SPICE1: variants seen among roughly 807,000 people sequenced by gnomAD.
The protein encoded by SPICE1 is spindle and centriole associated protein 1, also known as spindle and centriole-associated protein 1.
A neutral mutation model predicts 102.7 loss-of-function variants in SPICE1; 75 were observed. The observed-to-expected ratio is 0.73, with a 90% confidence interval of 0.61 to 0.88. The LOEUF is 0.88. Among genes scored for constraint, SPICE1 ranks in the 40% least tolerant of loss-of-function variants. SPICE1 has a pLI of 0.00. For missense variants in SPICE1, 979 were observed against 1,020.1 expected, an observed-to-expected ratio of 0.96 and a Z score of 0.55; for synonymous variants, 308 against 350.3, an observed-to-expected ratio of 0.88 and a Z score of 1.35.
At chr3:113,498,636 C>T (rs967836823) in intron 4 of SPICE1, among the ~76,000 whole-genome samples, 3 of 152,190 alleles carry the variant, frequency 2.0e-5, no homozygotes, top group Admixed American at 2.0e-4. Flanking sequence ...ATGTCTAAGA[C>T]TGAGACTTTA....
intron 6 of SPICE1, among the ~76,000 whole-genome samples, chr3:113,491,215 GATGA>G (rs1382919602): frequency 6.6e-6 from 1 of 152,158 alleles, no homozygotes; most frequent in Non-Finnish European, 1.5e-5. Context: ...AATATTACAT[GATGA>G]ATAAGTGAGT....
intron 7 of SPICE1, among the ~76,000 whole-genome samples, chr3:113,471,171 T>A (rs983982020): frequency 7.9e-5 from 12 of 152,160 alleles, no homozygotes; most frequent in African/African-American, 2.9e-4. Context: ...TTCCATGTCC[T>A]AAACCCTGGA....
chr3:113,488,049 A>G (rs1936683753), intron 7 of SPICE1, among the ~76,000 whole-genome samples: 1 of 152,252 alleles, frequency 6.6e-6, no homozygotes, highest in Non-Finnish European at 1.5e-5. Context: ...AAAAGACATG[A>G]AAACTAAATA....
chr3:113,453,930 T>A lies in SPICE1; in HGVS notation c.1678A>T (p.Thr560Ser), dbSNP rs1271943450. 1 of 1,613,148 alleles carries A rather than the reference T, an allele frequency of 6.2e-7. No individual in the cohort carries two copies. Among genetic ancestry groups the A allele is most frequent in the Non-Finnish European group, 8.5e-7 (1 of 1,179,534 alleles). The change falls in exon 14 of 18, where the codon ACT becomes TCT. Residue 560 changes from threonine (T) to serine (S), a missense_variant. By Grantham distance (58) the Thr-to-Ser change is moderately conservative (BLOSUM62 1). Coordinates refer to ENST00000295872, the MANE Select transcript of SPICE1 (RefSeq NM_144718.4). ...GGAGGAAGTCGTGGAGCAGGACGAGTTTGAACAGTCCTTCTCAATACTATA... is the reference window on the plus strand; with the variant it reads ...GGAGGAAGTCGTGGAGCAGGACGAGATTGAACAGTCCTTCTCAATACTATA... ...LQDVLRRTVQ[T>S]RPAPRLPPTV...
chr3:113,468,278 T>C lies in SPICE1; in HGVS notation c.1016A>G (p.His339Arg), dbSNP rs1308384335. 4.3e-6 allele frequency: 7 copies of C among 1,614,190 alleles called. No individual in the cohort carries two copies. The highest frequency in any genetic ancestry group is 1.6e-4 in the Middle Eastern group (1 of 6,062). The part of the protein sequence containing the change: ...SNLDVLKHMI[H>R]EVEHEMEEYE... ...TTCTTCCATTTCATGTTCCACTTCATGTATCATGTGTTTGAGGACATCCAG... is the reference window on the plus strand; with the variant it reads ...TTCTTCCATTTCATGTTCCACTTCACGTATCATGTGTTTGAGGACATCCAG... The change falls in exon 10 of 18, where the codon CAT becomes CGT. Residue 339 changes from histidine (H) to arginine (R), a missense_variant. Coordinates refer to ENST00000295872, the MANE Select transcript of SPICE1 (RefSeq NM_144718.4).
intron 12 of SPICE1, 95 bp from the exon 13 acceptor site, chr3:113,457,452 CA>C: frequency 3.3e-6 from 4 of 1,215,016 alleles, no homozygotes; most frequent in Non-Finnish European, 4.6e-6. Flanking sequence ...CAGTAGAGTG[CA>C]AAATCCACAT....
In SPICE1 at chr3:113,503,184, T is replaced by A; in HGVS notation, c.143A>T (p.Asp48Val). The A allele has an allele frequency of 1.2e-6, 2 of 1,606,780 alleles. No individual in the cohort carries two copies. The highest frequency in any genetic ancestry group is 2.2e-5 in the South Asian group (2 of 89,266). ...DLTVHRATPEDLVRRHEIHKS... is the reference protein window; with the variant it reads ...DLTVHRATPEVLVRRHEIHKS... ...AAGTTTTGATATTAAACTCACCAGA[T>A]CTTCGGGAGTTGCCCGATGAACGGT... Residue 48 changes from aspartate (D) to valine (V), a missense_variant, in exon 3 of 18, where the codon GAT (aspartate) becomes GTT (valine). Physicochemically the swap from Asp to Val is radical, Grantham distance 152. Transcript: ENST00000295872.
Position 113,465,749 on chromosome 3 carries a change from C to A in SPICE1, c.1191G>T (p.Arg397Ser), listed in dbSNP as rs1486763703. 2 of 1,613,766 alleles carry A rather than the reference C, an allele frequency of 1.2e-6. No individual in the cohort carries two copies. Among genetic ancestry groups the A allele is most frequent in the African/African-American group, 1.3e-5 (1 of 75,018 alleles). ...CACCTAATACTTGTTCCAGTTGTTG[C>A]CTTGTCTCTACTTCTTTACGTAGCT... ...EIQLRKEVET[R>S]QQLEQVLGDH... Residue 397 changes from arginine to serine, a missense_variant, in exon 11 of 18, where the codon AGG becomes AGT. By Grantham distance (110) the Arg-to-Ser change is moderately radical (BLOSUM62 -1). Coordinates refer to ENST00000295872, the MANE Select transcript of SPICE1 (RefSeq NM_144718.4).
chr3:113,480,742 T>C (rs1187960016), intron 7 of SPICE1, among the ~76,000 whole-genome samples: 2 of 151,832 alleles, frequency 1.3e-5, no homozygotes, highest in Admixed American at 6.6e-5. Context: ...TATCTGGGTA[T>C]GGTGTTTGCA....
chr3:113,452,479 T>A (rs1047194395), intron 14 of SPICE1, among the ~76,000 whole-genome samples: 3 of 147,442 alleles, frequency 2.0e-5, no homozygotes, highest in African/African-American at 7.6e-5. Flanking sequence ...TGGTCAGGAG[T>A]TCGAGACCAG....
At chr3:113,503,843 G>A (rs1248850272) in intron 2 of SPICE1, among the ~76,000 whole-genome samples, 1 of 148,432 alleles carries the variant, frequency 6.7e-6, no homozygotes, top group Admixed American at 6.8e-5. Flanking sequence ...TGAGGCAGGA[G>A]AATCACTTGA....
At chr3:113,460,540 G>A in intron 12 of SPICE1, 77 bp downstream of exon 12, 1 of 1,509,654 alleles carries the variant, frequency 6.6e-7, no homozygotes, top group East Asian at 2.3e-5. Context: ...TATAAGTTTA[G>A]AGATTTAAGG....
At chr3:113,496,900 A>T in intron 4 of SPICE1, among the ~76,000 whole-genome samples, 1 of 152,230 alleles carries the variant, frequency 6.6e-6, no homozygotes, top group East Asian at 1.9e-4. Flanking sequence ...GTGTACCCAA[A>T]AACATTTTCA....
chr3:113,457,044 C>T lies in SPICE1; in HGVS notation c.1657+92G>A, dbSNP rs552735925. 4.6e-6 allele frequency: 6 copies of T among 1,293,220 alleles called. No individual in the cohort carries two copies. In the African/African-American group the frequency reaches 5.9e-5, roughly 13 times the overall value. The allele number at this position is 1,293,220 out of a possible 1,614,324, so 80.1% of individuals were successfully genotyped here. On this transcript the variant is annotated intron_variant, in intron 13 of 17. Transcript: ENST00000295872. ...TATGTGTGGTAATCAGTGTCTTTTT[C>T]AATTCTGTTTTTCATGTAATGGTGA...
chr3:113,461,081 C>T lies in SPICE1; in HGVS notation c.1288-317G>A, dbSNP rs183658264. Among the ~76,000 whole-genome samples the T allele has an allele frequency of 3.1e-3, 464 of 151,978 alleles. 2 individuals are homozygous for T. Among genetic ancestry groups the T allele is most frequent in the African/African-American group, 0.011 (446 of 41,442 alleles). ...TCTACAGGGCTTTCCATTTACAAAACCTCTTCATATAGATGTTTCAACTAA... is the reference window on the plus strand; with the variant it reads ...TCTACAGGGCTTTCCATTTACAAAATCTCTTCATATAGATGTTTCAACTAA... On this transcript the variant is annotated intron_variant, in intron 11 of 17. Transcript: ENST00000295872.
intron 6 of SPICE1, among the ~76,000 whole-genome samples, 168 bp downstream of exon 6, chr3:113,493,038 T>C (rs1438885083): frequency 6.6e-6 from 1 of 152,258 alleles, no homozygotes; most frequent in Non-Finnish European, 1.5e-5. Context: ...TCCAGTCTTG[T>C]TTGATACAAA....
intron 7 of SPICE1, among the ~76,000 whole-genome samples, chr3:113,479,113 T>C (rs577306943): frequency 2.3e-4 from 33 of 144,760 alleles, no homozygotes; most frequent in Non-Finnish European, 3.5e-4. Context: ...CTCCTAATGC[T>C]ATCCCTCCCC....
At chr3:113,475,055 AAAG>A (rs2107473124) in intron 7 of SPICE1, among the ~76,000 whole-genome samples, 1 of 152,312 alleles carries the variant, frequency 6.6e-6, no homozygotes, top group African/African-American at 2.4e-5. Context: ...ATAAAAAAGA[AAAG>A]AAAGAAGAAT....
chr3:113,446,879 C>T (rs544966362), intron 16 of SPICE1, among the ~76,000 whole-genome samples: 1 of 152,316 alleles, frequency 6.6e-6, no homozygotes, highest in East Asian at 1.9e-4. Context: ...TATGGTTTGG[C>T]TGTGTCCCCA....
Sources: gnomAD v4.1 joint callset for allele counts (sites outside exome capture counted in the v4.1 genomes callset) on GRCh38, gnomAD v4.1.1 for gene constraint, MANE v1.5 for transcripts, NCBI Gene and HGNC (gene_info 2026-07-23, HGNC 2026-07-21) for gene names.